The following RFLNA variants were observed in gnomAD, a reference collection of about 807,000 sequenced individuals.
RFLNA encodes refilin-A.
In RFLNA, 5 loss-of-function variants were observed where a neutral mutation model predicts 7.8. That is an observed-to-expected ratio of 0.64 (90% confidence interval 0.34 to 1.35). RFLNA has a LOEUF of 1.35. Among genes scored for constraint, RFLNA ranks in the 40% most tolerant of loss-of-function variants. RFLNA has a pLI of 0.04. For missense variants in RFLNA, 278 were observed against 305.5 expected, an observed-to-expected ratio of 0.91 and a Z score of 0.67; for synonymous variants, 141 against 131.3, an observed-to-expected ratio of 1.07 and a Z score of -0.50.
chr12:124,310,969 G>C (rs957222697), intron 1 of RFLNA, among the ~76,000 whole-genome samples: 3 of 152,256 alleles, frequency 2.0e-5, no homozygotes, highest in Non-Finnish European at 2.9e-5. Context: ...CTGAGGGACA[G>C]TTTCAGGTGT....
intron 1 of RFLNA, among the ~76,000 whole-genome samples, chr12:124,308,433 G>A (rs75914057): frequency 3.3e-5 from 5 of 152,050 alleles, no homozygotes; most frequent in Admixed American, 6.5e-5. Flanking sequence ...ATGGGCTTTG[G>A]GGGGGGACCC....
chr12:124,313,055 C>T (rs1006436845), intron 2 of RFLNA, among the ~76,000 whole-genome samples: 1 of 152,314 alleles, frequency 6.6e-6, no homozygotes, highest in East Asian at 1.9e-4. Context: ...AGGAGACAAA[C>T]GAGTCCACTT....
chr12:124,305,820 T>C (rs2034127162), intron 1 of RFLNA, among the ~76,000 whole-genome samples: 1 of 152,186 alleles, frequency 6.6e-6, no homozygotes, highest in Non-Finnish European at 1.5e-5. Flanking sequence ...TGTGGACAGC[T>C]TTGGGGGCTG....
chr12:124,309,470 G>A (rs1012658740), intron 1 of RFLNA, among the ~76,000 whole-genome samples: 6 of 152,222 alleles, frequency 3.9e-5, no homozygotes, highest in Admixed American at 2.0e-4. Flanking sequence ...TGGGTGAGCT[G>A]AACGAAAGGC....
intron 1 of RFLNA, among the ~76,000 whole-genome samples, chr12:124,303,262 T>TGGGGAGCTCC (rs1372916357): frequency 6.6e-6 from 1 of 152,110 alleles, no homozygotes; most frequent in Non-Finnish European, 1.5e-5. Context: ...GCCAGGAAGG[T>TGGGGAGCTCC]GGGGAGCTCC....
chr12:124,314,152 C>T (rs777793988), intron 2 of RFLNA, 40 bp from the exon 3 acceptor site: 40 of 1,582,160 alleles, frequency 2.5e-5, no homozygotes, highest in Non-Finnish European at 3.4e-5. Flanking sequence ...GGGCTGCCCC[C>T]AATCCTGGGT....
chr12:124,314,228 T>C lies in RFLNA; in HGVS notation c.354T>C (p.His118=). ...AGGTCAAGTACGCCTCGGAGAAGCA[T>C]TTCCAGGACAAGGTCTTCTATGCGC... ...NSEVKYASEK[H]FQDKVFYAPV... Residue 118 remains histidine, a synonymous_variant, in exon 3 of 3, where the codon CAT becomes CAC. Transcript: ENST00000546355. 6.2e-7 allele frequency: 1 copy of C among 1,613,236 alleles called. No individual in the cohort carries two copies. The highest frequency in any genetic ancestry group is 8.5e-7 in the Non-Finnish European group (1 of 1,179,746).
rs539523779 is a variant in RFLNA, at chr12:124,306,410, A to G, written c.208-5408A>G. Among the ~76,000 whole-genome samples, 1 of 152,194 alleles carries G rather than the reference A, an allele frequency of 6.6e-6. No homozygotes were observed. The highest frequency in any genetic ancestry group is 1.9e-4 in the East Asian group (1 of 5,162). The stretch of plus-strand genomic sequence containing the variant: ...ACACCGAGGCAGCCTCGGGTCACAG[A>G]CAAGGGGCCGAGACAGGAACAGGCA... On this transcript the variant is annotated intron_variant, in intron 1 of 2. Transcript: ENST00000546355. The surrounding 1 kb of genome is among the most constrained non-coding windows in gnomAD (Gnocchi z 5.2).
intron 1 of RFLNA, among the ~76,000 whole-genome samples, chr12:124,303,862 G>A (rs2034091862): frequency 6.6e-6 from 1 of 152,190 alleles, no homozygotes; most frequent in African/African-American, 2.4e-5. Flanking sequence ...TGGGGGTGGG[G>A]AGCGGGCCTG....
At chr12:124,291,592 G>C (rs1354344419), upstream of RFLNA, among the ~76,000 whole-genome samples, 2 of 152,220 alleles carry the variant, frequency 1.3e-5, no homozygotes, top group Non-Finnish European at 2.9e-5. Flanking sequence ...ATGCAGCCAG[G>C]GTTCAAGTGC....
chr12:124,290,364 A>G (rs775860692), upstream of RFLNA, among the ~76,000 whole-genome samples: 4 of 148,362 alleles, frequency 2.7e-5, no homozygotes, highest in Non-Finnish European at 5.9e-5. The surrounding 1 kb of genome is among the most constrained non-coding windows in gnomAD (Gnocchi z 4.0). Flanking sequence ...GTATGTGTGT[A>G]TTTGTGTGTT....
chr12:124,300,755 G>GGCAA (rs2034017106), intron 1 of RFLNA, among the ~76,000 whole-genome samples: 1 of 140,488 alleles, frequency 7.1e-6, no homozygotes. Flanking sequence ...TGGATGGATG[G>GGCAA]ATGGATGGAT....
At chr12:124,301,425 C>A (rs181208447) in intron 1 of RFLNA, among the ~76,000 whole-genome samples, 1 of 152,328 alleles carries the variant, frequency 6.6e-6, no homozygotes, top group East Asian at 1.9e-4. Flanking sequence ...GCCAGACAGA[C>A]TGGGGGCAGC....
intron 1 of RFLNA, among the ~76,000 whole-genome samples, chr12:124,310,172 C>CAAAAA (rs71088996): frequency 0.016 from 281 of 17,082 alleles, 60 homozygotes; most frequent in East Asian, 0.048. Context: ...GACTCTGTCT[C>CAAAAA]AAAAAAAAAA....
chr12:124,311,949 G>C, intron 2 of RFLNA, 22 bp downstream of exon 2: 1 of 1,540,698 alleles, frequency 6.5e-7, no homozygotes, highest in East Asian at 2.6e-5. Context: ...ACTGGGCTCT[G>C]CGCGGGAGGA....
chr12:124,296,072 T>TTTTTTCTTTCTTTCTTTCTTTC (rs2033904237), intron 1 of RFLNA, among the ~76,000 whole-genome samples: 1 of 94,650 alleles, frequency 1.1e-5, no homozygotes. Context: ...TGTGAAAGCC[T>TTTTTTCTTTCTTTCTTTCTTTC]TTTCTTTCTT....
intron 1 of RFLNA, among the ~76,000 whole-genome samples, chr12:124,301,203 C>T (rs1283916277): frequency 2.0e-5 from 3 of 152,228 alleles, no homozygotes; most frequent in East Asian, 1.9e-4. Context: ...AGAAGCCCTG[C>T]GCCTCCTTCC....
intron 1 of RFLNA, among the ~76,000 whole-genome samples, chr12:124,299,825 C>T (rs2033994510): frequency 6.9e-6 from 1 of 144,978 alleles, no homozygotes; most frequent in Admixed American, 6.7e-5. Flanking sequence ...GCCTCTGCTG[C>T]CTTTGAGCTC....
At chr12:124,290,404 G>A (rs533798932), upstream of RFLNA, among the ~76,000 whole-genome samples, 1 of 152,270 alleles carries the variant, frequency 6.6e-6, no homozygotes. This position sits in a 1 kb window ranked among gnomAD's most constrained non-coding sequence, Gnocchi z 4.0. Flanking sequence ...GTGTTTACCT[G>A]TGTATATGTA....
Sources: allele counts gnomAD v4.1 joint callset (sites outside exome capture counted in the v4.1 genomes callset), GRCh38; gene constraint gnomAD v4.1.1; non-coding constraint Gnocchi (gnomAD v3.1); transcripts MANE v1.5; gene names NCBI Gene and HGNC (gene_info 2026-07-23, HGNC 2026-07-21).